SRGAP3: variants seen among roughly 807,000 people sequenced by gnomAD.
SRGAP3 encodes the protein SLIT-ROBO Rho GTPase activating protein 3.
Under a neutral mutation model 121.1 loss-of-function variants are expected in SRGAP3, and 39 were observed. The observed-to-expected ratio is 0.32, with a 90% confidence interval of 0.25 to 0.42. The LOEUF (loss-of-function observed/expected upper bound fraction) is 0.42, where lower values mean the gene tolerates loss of function less well. SRGAP3 is among the 10% of genes least tolerant of loss of function. The probability of loss-of-function intolerance (pLI) is 1.00; values close to 1 mark genes in which losing one functional copy is unlikely to be tolerated. For synonymous variants in SRGAP3, 601 were observed against 570.0 expected (o/e 1.05, Z -0.77); for missense variants, 1,213 against 1,470.6 (o/e 0.82, Z 2.86).
chr3:9,254,553 TGGG>T (rs1954085091), upstream of SRGAP3, among the ~76,000 whole-genome samples: 1 of 152,058 alleles, frequency 6.6e-6, no homozygotes, highest in Admixed American at 6.6e-5. Context: ...CAGTATTTTG[TGGG>T]GCAAAGGCAG....
chr3:9,289,192 C>T (rs1954832511), intron 3 of SRGAP3, among the ~76,000 whole-genome samples: 1 of 152,250 alleles, frequency 6.6e-6, no homozygotes, highest in African/African-American at 2.4e-5. Context: ...AGCCAGCATG[C>T]CTGGCCTAGT....
At chr3:9,214,353 T>G (rs1952547394) in intron 1 of SRGAP3, among the ~76,000 whole-genome samples, 1 of 152,136 alleles carries the variant, frequency 6.6e-6, no homozygotes, top group Admixed American at 6.5e-5. Context: ...TATTTACAGA[T>G]GAGGAAGCAG....
chr3:9,207,353 A>G (rs1476524182), intron 1 of SRGAP3, among the ~76,000 whole-genome samples: 1 of 152,164 alleles, frequency 6.6e-6, no homozygotes, highest in Non-Finnish European at 1.5e-5. Context: ...GAAGAACTAG[A>G]TTTGGGTTGA....
intron 1 of SRGAP3, among the ~76,000 whole-genome samples, chr3:9,214,183 G>A (rs1343875801): frequency 6.9e-6 from 1 of 143,970 alleles, no homozygotes; most frequent in Non-Finnish European, 1.6e-5. Context: ...TTTCCCACAC[G>A]ATCACTGGTA....
intron 1 of SRGAP3, among the ~76,000 whole-genome samples, chr3:9,182,127 G>C (rs1264842756): frequency 8.7e-6 from 1 of 115,062 alleles, no homozygotes; most frequent in Non-Finnish European, 1.6e-5. Context: ...AGTGACCCAA[G>C]ATTGTGCCAT....
chr3:9,177,846 T>C (rs1486849840), intron 1 of SRGAP3, among the ~76,000 whole-genome samples: 1 of 152,096 alleles, frequency 6.6e-6, no homozygotes, highest in African/African-American at 2.4e-5. Flanking sequence ...AAGAAGGGCA[T>C]CTCCTGGCCA....
At chr3:9,065,067 T>A (rs1238640638) in intron 4 of SRGAP3, among the ~76,000 whole-genome samples, 1 of 152,006 alleles carries the variant, frequency 6.6e-6, no homozygotes. Context: ...CCATGGGAAT[T>A]GAATGGGAAA....
rs752703658 is a variant in SRGAP3 at position 9,317,088 on chromosome 3, G to A, written n.442+8922C>T. The stretch of plus-strand genomic sequence containing the variant: ...AACCCTCTGAAAAGTGAAAGCAGTC[G>A]AGGAAAAAGAAAAAGGGGCCAGCCA... On this transcript the variant is annotated intron_variant and non_coding_transcript_variant, in intron 3 of 3. Transcript: ENST00000490889. Among the ~76,000 whole-genome samples the A allele has an allele frequency of 3.3e-5, 5 of 152,106 alleles. No homozygotes were observed. The East Asian group carries it at 9.6e-4, about 29-fold the overall frequency.
Position 9,182,271 on chromosome 3 carries a change from T to C in SRGAP3, c.68-57354A>G, listed in dbSNP as rs1210869199. ...AAAATAAAAAATGAAAAGGCTCTTA[T>C]AGAGGTCATAGAGTTAAAATGAGGT... On this transcript the variant is annotated intron_variant, in intron 1 of 21. Transcript: ENST00000383836. Among the ~76,000 whole-genome samples, 8 of 151,254 alleles carry C rather than the reference T, an allele frequency of 5.3e-5. No homozygotes were observed. The East Asian group carries it at 9.7e-4, about 18-fold the overall frequency.
chr3:9,317,221 C>G (rs1955363955), intron 3 of SRGAP3, among the ~76,000 whole-genome samples: 1 of 152,222 alleles, frequency 6.6e-6, no homozygotes, highest in South Asian at 2.1e-4. Context: ...CTAACGTAGA[C>G]TCCATTCACG....
chr3:9,334,086 T>G (rs917482066), intron 1 of SRGAP3, among the ~76,000 whole-genome samples: 2 of 152,140 alleles, frequency 1.3e-5, no homozygotes, highest in African/African-American at 2.4e-5. Context: ...AACATGATAT[T>G]AACAATAATA....
At chr3:9,107,865 T>C (rs988643530) in intron 2 of SRGAP3, among the ~76,000 whole-genome samples, 1 of 152,146 alleles carries the variant, frequency 6.6e-6, no homozygotes, top group Non-Finnish European at 1.5e-5. Context: ...CACCCAGCAA[T>C]GTGCCTGCCA....
At chr3:8,993,924 T>C (rs1480149611) in intron 19 of SRGAP3, 1 of 198,314 alleles carries the variant, frequency 5.0e-6, no homozygotes, top group Non-Finnish European at 1.0e-5. Flanking sequence ...TTTTAAAAAA[T>C]AGTACCCTAT....
rs948794006 is a variant in SRGAP3 at position 9,249,100 on chromosome 3, A to G, written c.-149T>C. ...TCTTTCACTTGGCTGCAGAGCAGGG[A>G]GAAAAATCCTTCTCCTTCTGGAAGG... On this transcript the variant is annotated 5_prime_UTR_variant, in exon 1 of 22. Coordinates refer to ENST00000383836, the MANE Select transcript of SRGAP3 (RefSeq NM_014850.4). 6.4e-6 allele frequency: 5 copies of G among 785,804 alleles called. No homozygotes were observed. The highest frequency in any genetic ancestry group is 5.2e-5 in the African/African-American group (3 of 57,802). 48.7% of individuals were successfully genotyped at this position (785,804 alleles called of 1,614,324 possible).
chr3:9,115,956 T>C (rs562235445), intron 2 of SRGAP3, among the ~76,000 whole-genome samples: 5 of 152,274 alleles, frequency 3.3e-5, no homozygotes, highest in African/African-American at 9.6e-5. Flanking sequence ...AAAAAGGAGA[T>C]TGGAGGACAT....
chr3:8,993,218 C>G (rs1942174373), intron 19 of SRGAP3, among the ~76,000 whole-genome samples, 163 bp from the exon 20 acceptor site: 1 of 152,208 alleles, frequency 6.6e-6, no homozygotes, highest in South Asian at 2.1e-4. Flanking sequence ...CTTCCCACCA[C>G]GCATGCCCAT....
intron 1 of SRGAP3, among the ~76,000 whole-genome samples, chr3:9,185,435 A>G (rs1055438657): frequency 1.3e-5 from 2 of 152,122 alleles, no homozygotes; most frequent in Non-Finnish European, 1.5e-5. Context: ...AACTGGGCTG[A>G]CTGTGGAAGG....
intron 3 of SRGAP3, among the ~76,000 whole-genome samples, chr3:9,298,913 G>A (rs28623287): frequency 2.0e-5 from 3 of 151,590 alleles, no homozygotes; most frequent in Non-Finnish European, 2.9e-5. Flanking sequence ...TTAGCCGGGC[G>A]TGGTGGTGGG....
intron 3 of SRGAP3, among the ~76,000 whole-genome samples, chr3:9,290,027 C>T (rs34999363): frequency 0.24 from 36,987 of 151,986 alleles, 5,684 homozygotes; most frequent in Admixed American, 0.38. Flanking sequence ...AGGAGAATCG[C>T]TTGAACTCAG....
Sources: allele counts gnomAD v4.1 joint callset (sites outside exome capture counted in the v4.1 genomes callset), GRCh38; gene constraint gnomAD v4.1.1; transcripts MANE v1.5; gene names NCBI Gene and HGNC (gene_info 2026-07-23, HGNC 2026-07-21).